The following ARHGAP42 variants were observed in gnomAD, a reference collection of about 807,000 sequenced individuals.
ARHGAP42 encodes rho GTPase-activating protein 42.
Under a neutral mutation model 125.0 loss-of-function variants are expected in ARHGAP42, and 63 were observed. The ratio of observed to expected loss-of-function variants is 0.50; its 90% CI spans 0.41 to 0.62. The LOEUF (loss-of-function observed/expected upper bound fraction) is 0.62, where lower values mean the gene tolerates loss of function less well. ARHGAP42 is among the 20% of genes least tolerant of loss of function. The pLI, the probability that ARHGAP42 is intolerant of heterozygous loss-of-function variation, is 0.00. For missense variants in ARHGAP42, 766 were observed against 1,024.2 expected (o/e 0.75, Z 3.44); for synonymous variants, 339 against 351.0 (o/e 0.97, Z 0.38).
chr11:100,703,067 T>C (rs1861423562), intron 1 of ARHGAP42, among the ~76,000 whole-genome samples: 1 of 152,202 alleles, frequency 6.6e-6, no homozygotes, highest in Non-Finnish European at 1.5e-5. Flanking sequence ...TGGAAGAGTA[T>C]TTTGAATATC....
Position 100,965,684 on chromosome 11 carries a change from A to G in ARHGAP42, c.1458A>G (p.Gln486=). The G allele has an allele frequency of 1.3e-6, 2 of 1,550,426 alleles. No homozygotes were observed. Among genetic ancestry groups the G allele is most frequent in the Non-Finnish European group, 1.7e-6 (2 of 1,146,894 alleles). The change falls in exon 17 of 24, where the codon CAA becomes CAG. Residue 486 remains glutamine (Q), a synonymous_variant. Coordinates refer to ENST00000298815, the MANE Select transcript of ARHGAP42 (RefSeq NM_152432.4). ...TTTATGTAACAGAATCTGATGATCA[A>G]AACTACAGGGTGGAGGCTGTACATG... ...DFIIAVKSDD[Q]NYRVEAVHAL... is the part of the protein sequence containing the mutation.
At chr11:100,788,274 G>T (rs889810802) in intron 2 of ARHGAP42, among the ~76,000 whole-genome samples, 1 of 152,140 alleles carries the variant, frequency 6.6e-6, no homozygotes. Flanking sequence ...AGATGACTCT[G>T]TTTTTGATTT....
intron 1 of ARHGAP42, among the ~76,000 whole-genome samples, chr11:100,701,671 A>G (rs1435240763): frequency 6.6e-6 from 1 of 152,202 alleles, no homozygotes; most frequent in Non-Finnish European, 1.5e-5. Flanking sequence ...AAATCATAGA[A>G]TTGAAGAAAG....
chr11:100,724,541 T>A (rs1443888720), intron 1 of ARHGAP42, among the ~76,000 whole-genome samples: 1 of 152,106 alleles, frequency 6.6e-6, no homozygotes, highest in Non-Finnish European at 1.5e-5. Context: ...TTTTGAAAGT[T>A]TGTATCTTTC....
intron 4 of ARHGAP42, among the ~76,000 whole-genome samples, chr11:100,890,227 A>C (rs1045882894): frequency 6.6e-6 from 1 of 152,020 alleles, no homozygotes; most frequent in Non-Finnish European, 1.5e-5. Context: ...CATGGTCTAA[A>C]ACGTATTCAG....
At chr11:100,908,398 C>T (rs1268565736) in intron 4 of ARHGAP42, among the ~76,000 whole-genome samples, 11 of 152,138 alleles carry the variant, frequency 7.2e-5, no homozygotes, top group Non-Finnish European at 1.6e-4. Flanking sequence ...CCTTCACCTG[C>T]CTCCCACTGT....
At chr11:100,759,359 T>A (rs1363893146) in intron 1 of ARHGAP42, among the ~76,000 whole-genome samples, 4 of 152,180 alleles carry the variant, frequency 2.6e-5, no homozygotes, top group Non-Finnish European at 5.9e-5. Context: ...TCTAGGCACC[T>A]GGCTTCTTAT....
At chr11:100,883,578 A>G (rs2135180372) in intron 4 of ARHGAP42, among the ~76,000 whole-genome samples, 1 of 152,254 alleles carries the variant, frequency 6.6e-6, no homozygotes, top group South Asian at 2.1e-4. Context: ...CTTGACCTCC[A>G]GTGATCCACC....
intron 4 of ARHGAP42, among the ~76,000 whole-genome samples, chr11:100,864,186 G>GC (rs1865513627): frequency 6.7e-6 from 1 of 148,494 alleles, no homozygotes; most frequent in African/African-American, 2.5e-5. Context: ...TATGTCTGAG[G>GC]ATTTTTTTTT....
chr11:100,786,490 T>G (rs1591180550), intron 2 of ARHGAP42, among the ~76,000 whole-genome samples: 2 of 152,258 alleles, frequency 1.3e-5, no homozygotes, highest in Middle Eastern at 6.8e-3. Context: ...TTGCCAAAAT[T>G]TGGCCTTTTG....
At chr11:100,879,522 T>G (rs1039809478) in intron 4 of ARHGAP42, among the ~76,000 whole-genome samples, 4 of 152,220 alleles carry the variant, frequency 2.6e-5, no homozygotes, top group Non-Finnish European at 5.9e-5. Context: ...TGGCTAAAGA[T>G]AGTACTCATC....
chr11:100,760,405 A>G (rs991259081), intron 1 of ARHGAP42, among the ~76,000 whole-genome samples: 1 of 152,156 alleles, frequency 6.6e-6, no homozygotes, highest in Admixed American at 6.6e-5. Context: ...TGTCCTTTAA[A>G]ATGAAATTAA....
chr11:100,796,614 A>G (rs888704707), intron 3 of ARHGAP42, among the ~76,000 whole-genome samples: 4 of 152,210 alleles, frequency 2.6e-5, no homozygotes, highest in Non-Finnish European at 4.4e-5. Context: ...GAGGAAATTA[A>G]AAGTACTAGT....
intron 7 of ARHGAP42, 133 bp from the exon 8 acceptor site, chr11:100,936,070 C>G (rs1867731191): frequency 9.2e-7 from 1 of 1,090,836 alleles, no homozygotes; most frequent in Non-Finnish European, 1.3e-6. Flanking sequence ...CTGCAGTGAG[C>G]CATAATTGCA....
At chr11:100,975,439 A>C (rs1858364960) in intron 19 of ARHGAP42, among the ~76,000 whole-genome samples, 1 of 152,174 alleles carries the variant, frequency 6.6e-6, no homozygotes, top group South Asian at 2.1e-4. Flanking sequence ...TTTTCTTATA[A>C]CTTGCTTTTA....
intron 1 of ARHGAP42, among the ~76,000 whole-genome samples, chr11:100,738,797 T>C (rs1565548815): frequency 6.6e-6 from 1 of 152,244 alleles, no homozygotes; most frequent in Non-Finnish European, 1.5e-5. Context: ...GTTTCAAGTT[T>C]GAATATTTTG....
At chr11:100,717,636 CA>C (rs60024751) in intron 1 of ARHGAP42, among the ~76,000 whole-genome samples, 925 of 69,094 alleles carry the variant, frequency 0.013, 12 homozygotes, top group African/African-American at 0.032. Context: ...GACTCCGTCT[CA>C]AAAAAAAAAA....
At chr11:100,692,592 G>A (rs548704062) in intron 1 of ARHGAP42, among the ~76,000 whole-genome samples, 5 of 152,120 alleles carry the variant, frequency 3.3e-5, no homozygotes, top group East Asian at 1.9e-4. Flanking sequence ...TTTATTACTC[G>A]GTCATGTTGC....
chr11:100,859,029 A>G (rs529685883), intron 3 of ARHGAP42, among the ~76,000 whole-genome samples: 77 of 152,232 alleles, frequency 5.1e-4, no homozygotes, highest in African/African-American at 1.8e-3. Flanking sequence ...ATCAAATACT[A>G]TTTTAGTCAG....
Sources: allele counts gnomAD v4.1 joint callset (sites outside exome capture counted in the v4.1 genomes callset), GRCh38; gene constraint gnomAD v4.1.1; transcripts MANE v1.5; gene names NCBI Gene and HGNC (gene_info 2026-07-23, HGNC 2026-07-21).